RBFOX1: variants seen among roughly 807,000 people sequenced by gnomAD.
RBFOX1 encodes the protein RNA binding protein fox-1 homolog 1.
Under a neutral mutation model 57.7 loss-of-function variants are expected in RBFOX1, and 8 were observed. That is an observed-to-expected ratio of 0.14 (90% CI 0.08 to 0.25). RBFOX1 has a LOEUF of 0.25. Ranked by LOEUF, RBFOX1 falls within the 10% of genes least tolerant of loss-of-function variation. The pLI, the probability that RBFOX1 is intolerant of heterozygous loss-of-function variation, is 1.00. For missense variants in RBFOX1, 611 were observed against 548.5 expected, an observed-to-expected ratio of 1.11 and a Z score of -1.14; for synonymous variants, 326 against 222.4, an observed-to-expected ratio of 1.47 and a Z score of -4.15.
chr16:5,313,676 T>C (rs1026799812), intron 1 of RBFOX1, among the ~76,000 whole-genome samples: 1 of 152,044 alleles, frequency 6.6e-6, no homozygotes, highest in African/African-American at 2.4e-5. Flanking sequence ...GAGAGAGAGT[T>C]TGTGTAGGGG....
chr16:6,806,721 G>A (rs966361733), intron 3 of RBFOX1, among the ~76,000 whole-genome samples: 4 of 148,462 alleles, frequency 2.7e-5, no homozygotes, highest in African/African-American at 9.9e-5. Flanking sequence ...GTATTACCAG[G>A]GGAGCATCTT....
Position 5,947,649 on chromosome 16 carries a change from A to G in RBFOX1, c.351+80314A>G, listed in dbSNP as rs2059429007. Among the ~76,000 whole-genome samples the G allele has an allele frequency of 6.6e-6, 1 of 152,142 alleles. No homozygotes were observed. Among genetic ancestry groups the G allele is most frequent in the Non-Finnish European group, 1.5e-5 (1 of 68,026 alleles). ...CTTCGATTTTAGGTATTTTTATGGC[A>G]TCCCTTACCATCTTCCTTCTCTATT... On this transcript the variant is annotated intron_variant, in intron 4 of 19. Coordinates refer to the RBFOX1 transcript ENST00000641259. This position sits in a 1 kb window ranked among gnomAD's most constrained non-coding sequence, Gnocchi z 7.2.
intron 1 of RBFOX1, among the ~76,000 whole-genome samples, chr16:6,286,484 G>C (rs1489180701): frequency 6.6e-6 from 1 of 152,160 alleles, no homozygotes; most frequent in Non-Finnish European, 1.5e-5. Context: ...GGAAGTACTA[G>C]TACCTACCTT....
intron 2 of RBFOX1, among the ~76,000 whole-genome samples, chr16:6,409,569 G>A (rs1357417047): frequency 6.6e-6 from 1 of 152,134 alleles, no homozygotes; most frequent in Non-Finnish European, 1.5e-5. Flanking sequence ...ATGAAAAGTT[G>A]TGGGATTTTT....
intron 4 of RBFOX1, among the ~76,000 whole-genome samples, chr16:5,894,820 G>C (rs977353132): frequency 1.3e-5 from 2 of 152,066 alleles, no homozygotes; most frequent in Admixed American, 1.3e-4. Context: ...AGGAGATCGA[G>C]ACCATCTTGG....
At chr16:7,310,637 G>A (rs1205937570) in intron 4 of RBFOX1, among the ~76,000 whole-genome samples, 1 of 152,192 alleles carries the variant, frequency 6.6e-6, no homozygotes, top group Non-Finnish European at 1.5e-5. Context: ...CATTACCAGA[G>A]TTGATATCTA....
In RBFOX1 at chr16:7,000,712, C is replaced by G. The variant is rs924682439; in HGVS notation, c.-15-51345C>G. On this transcript the variant is annotated intron_variant, in intron 3 of 15. Coordinates refer to ENST00000550418, the MANE Select transcript of RBFOX1 (RefSeq NM_018723.4). ...CTCTGCCTACCGGGTTCATGCCATT[C>G]TCCTGCCTCAGCCTCCCAAGTAGCT... Among the ~76,000 whole-genome samples the G allele has an allele frequency of 1.0e-4, 15 of 146,336 alleles. No homozygotes were observed. In the East Asian group the frequency reaches 1.5e-3, roughly 15 times the overall value.
intron 1 of RBFOX1, among the ~76,000 whole-genome samples, chr16:5,377,000 A>C (rs998751826): frequency 6.6e-6 from 1 of 150,808 alleles, no homozygotes. Context: ...CTGCTAAATA[A>C]ACTACCTGTA....
At position 7,653,800 on chromosome 16, in the gene RBFOX1, C is replaced by A. The variant is rs771003107; in HGVS notation, c.758-15C>A. On this transcript the variant is annotated splice_polypyrimidine_tract_variant and intron_variant, in intron 11 of 15. Coordinates refer to ENST00000550418, the MANE Select transcript of RBFOX1 (RefSeq NM_018723.4). ...CAGCCTGTGCTCTCTCTCTCTCTCT[C>A]CTCTTGCCCCGCAGTGCCAGGCTTC... is the stretch of plus-strand genomic sequence containing the variant. The A allele has an allele frequency of 3.1e-6, 5 of 1,607,598 alleles. No individual in the cohort carries two copies. The South Asian group carries it at 4.4e-5, about 14-fold the overall frequency.
At chr16:6,051,307 G>A (rs1303530923) in intron 1 of RBFOX1, among the ~76,000 whole-genome samples, 1 of 151,778 alleles carries the variant, frequency 6.6e-6, no homozygotes, top group Non-Finnish European at 1.5e-5. Context: ...CTGGTACTCA[G>A]GCAAGAGAGT....
At chr16:6,691,390 C>T (rs978622001) in intron 3 of RBFOX1, among the ~76,000 whole-genome samples, 1 of 152,164 alleles carries the variant, frequency 6.6e-6, no homozygotes, top group Middle Eastern at 3.2e-3. Context: ...TTTCCACCTT[C>T]CCAATCCAAA....
intron 4 of RBFOX1, among the ~76,000 whole-genome samples, chr16:7,088,970 G>A (rs2060403561): frequency 6.6e-6 from 1 of 152,140 alleles, no homozygotes; most frequent in African/African-American, 2.4e-5. Context: ...TCTCTTTGCT[G>A]TAAAGGAAGA....
chr16:6,869,875 GTA>G (rs1265614519), intron 3 of RBFOX1, among the ~76,000 whole-genome samples: 7 of 152,100 alleles, frequency 4.6e-5, no homozygotes, highest in African/African-American at 1.4e-4. Flanking sequence ...TGTTCAGAAC[GTA>G]TATGTCTCCC....
intron 3 of RBFOX1, among the ~76,000 whole-genome samples, chr16:6,695,647 A>G (rs1303376787): frequency 6.6e-6 from 1 of 152,126 alleles, no homozygotes; most frequent in East Asian, 1.9e-4. Context: ...ATTGTAAAAG[A>G]CGATCATAGT....
intron 5 of RBFOX1, among the ~76,000 whole-genome samples, chr16:7,549,957 T>C (rs1236132800): frequency 1.3e-5 from 2 of 152,000 alleles, no homozygotes; most frequent in Non-Finnish European, 2.9e-5. Flanking sequence ...AGAGACAGGG[T>C]TTTACTCTGT....
chr16:6,412,266 C>T (rs1159653862), intron 2 of RBFOX1, among the ~76,000 whole-genome samples: 3 of 151,936 alleles, frequency 2.0e-5, no homozygotes, highest in African/African-American at 7.3e-5. Context: ...TCCCCAAGAA[C>T]AGAGTGAACA....
At chr16:6,332,613 A>ACACATG (rs1181932285) in intron 2 of RBFOX1, among the ~76,000 whole-genome samples, 6 of 152,162 alleles carry the variant, frequency 3.9e-5, no homozygotes, top group African/African-American at 1.4e-4. Flanking sequence ...CTTCATACAC[A>ACACATG]CACATGCACA....
At chr16:7,054,168 A>G (rs2051113422) in intron 4 of RBFOX1, among the ~76,000 whole-genome samples, 1 of 114,574 alleles carries the variant, frequency 8.7e-6, no homozygotes, top group Non-Finnish European at 1.6e-5. Context: ...GAGCCCTTCC[A>G]TCACCTCAAA....
rs145555160 is a variant in RBFOX1, at chr16:5,654,482, C to G, written c.318+55521C>G. ...TTGGGAAGGAACGTTCTCACCTGTC[C>G]TTCTTCCTTCTTTGTGGTGTTTTCT... On this transcript the variant is annotated intron_variant, in intron 3 of 19. Transcript: ENST00000641259. Among the ~76,000 whole-genome samples the G allele has an allele frequency of 3.3e-5, 5 of 152,212 alleles. No individual in the cohort carries two copies. In the East Asian group the frequency reaches 9.7e-4, roughly 29 times the overall value.
Sources: allele counts gnomAD v4.1 joint callset (sites outside exome capture counted in the v4.1 genomes callset), GRCh38; gene constraint gnomAD v4.1.1; non-coding constraint Gnocchi (gnomAD v3.1); transcripts MANE v1.5; gene names NCBI Gene and HGNC (gene_info 2026-07-23, HGNC 2026-07-21).